Variants in PFN2 observed in about 807,000 individuals in gnomAD.
PFN2 encodes the protein profilin-2.
PFN2 carries 8 observed loss-of-function variants against 15.3 expected under a neutral mutation model. The ratio of observed to expected loss-of-function variants is 0.52; its 90% CI spans 0.31 to 0.95. The LOEUF (loss-of-function observed/expected upper bound fraction) is 0.95, where lower values mean the gene tolerates loss of function less well. Ranked by LOEUF, PFN2 falls within the 40% of genes least tolerant of loss-of-function variation. The pLI is 0.05. For synonymous variants in PFN2, 79 were observed against 67.9 expected, an observed-to-expected ratio of 1.16 and a Z score of -0.81; for missense variants, 111 against 182.3, an observed-to-expected ratio of 0.61 and a Z score of 2.25.
In PFN2 at chr3:149,965,808, C is replaced by T; in HGVS notation, c.*681G>A. ...GAAGACTAAATGAGCCAAGTAAATGCTCAAAGTGCTGAAAAGACACTGATC... is the reference window on the plus strand; with the variant it reads ...GAAGACTAAATGAGCCAAGTAAATGTTCAAAGTGCTGAAAAGACACTGATC... On this transcript the variant is annotated 3_prime_UTR_variant, in exon 3 of 3. Transcript: ENST00000239940. 7 of 1,072,910 alleles carry T rather than the reference C, an allele frequency of 6.5e-6. No homozygotes were observed. The highest frequency in any genetic ancestry group is 7.9e-6 in the Non-Finnish European group (7 of 885,628). 66.5% of individuals were successfully genotyped at this position (1,072,910 alleles called of 1,614,324 possible).
In PFN2 at chr3:149,965,869, CTTATT is replaced by C. The variant is rs1722676103; in HGVS notation, c.*615_*619del. 5 of 1,199,072 alleles carry C rather than the reference CTTATT, an allele frequency of 4.2e-6. No individual in the cohort carries two copies. The South Asian group carries it at 1.3e-4, about 30-fold the overall frequency. 74.3% of individuals were successfully genotyped at this position (1,199,072 alleles called of 1,614,324 possible). ...CAACCGGCACCTTGCTTAATATTAA[CTTATT>C]TTAGTAATCAATATCCCATTAATTG... On this transcript the variant is annotated 3_prime_UTR_variant, in exon 3 of 3. Coordinates refer to ENST00000239940, the MANE Select transcript of PFN2 (RefSeq NM_053024.4).
intron 1 of PFN2, among the ~76,000 whole-genome samples, chr3:149,970,071 T>TA (rs1401908999): frequency 6.7e-5 from 10 of 148,856 alleles, no homozygotes; most frequent in Admixed American, 6.0e-4. Flanking sequence ...AAAAACAACC[T>TA]ATAGAGCTAG....
At chr3:149,970,425 G>C (rs1269598612) in intron 1 of PFN2, 2 of 246,362 alleles carry the variant, frequency 8.1e-6, no homozygotes, top group Admixed American at 5.6e-5. Context: ...TGCCCTGGCC[G>C]GTGCGTGCCC....
intron 1 of PFN2, chr3:149,968,779 G>C (rs1243350177): frequency 8.1e-6 from 4 of 494,932 alleles, no homozygotes; most frequent in Non-Finnish European, 1.4e-5. Flanking sequence ...TAATGATGTC[G>C]TCTCTTAACC....
chr3:149,970,539 C>T (rs1368364417), intron 1 of PFN2, 186 bp downstream of exon 1: 3 of 456,668 alleles, frequency 6.6e-6, no homozygotes, highest in Non-Finnish European at 6.8e-6. Flanking sequence ...CAGCGCAGCC[C>T]CGGGTGAGGG....
chr3:149,965,634 ATTT>A lies in PFN2; in HGVS notation c.*852_*854del, dbSNP rs199771239. 3,104 of 996,870 alleles carry A rather than the reference ATTT, an allele frequency of 3.1e-3. 71 individuals carry two copies. In the African/African-American group the frequency reaches 0.056, roughly 18 times the overall value. The allele number at this position is 996,870 out of a possible 1,614,324, so 61.8% of individuals were successfully genotyped here. Reference sequence around the variant, plus strand: ...TCTCAATAGCTCATCAACAAAAGGGATTTTAATTGGTTAAAAAAAAACAGGCAC... The same window carrying A: ...TCTCAATAGCTCATCAACAAAAGGGATAATTGGTTAAAAAAAAACAGGCAC... On this transcript the variant is annotated 3_prime_UTR_variant, in exon 3 of 3. Coordinates refer to ENST00000239940, the MANE Select transcript of PFN2 (RefSeq NM_053024.4).
At chr3:149,970,581 C>T in intron 1 of PFN2, 144 bp downstream of exon 1, 1 of 803,902 alleles carries the variant, frequency 1.2e-6, no homozygotes, top group South Asian at 5.1e-5. Flanking sequence ...CCCCGCCCGC[C>T]CGGCAGCCGC....
chr3:149,967,511 G>T (rs1722728132), intron 2 of PFN2, among the ~76,000 whole-genome samples: 1 of 152,198 alleles, frequency 6.6e-6, no homozygotes, highest in African/African-American at 2.4e-5. Context: ...ACTCACAGCA[G>T]CTTCAACTCC....
Position 149,965,206 on chromosome 3 carries a change from C to T in PFN2, c.*1283G>A. 6.6e-7 allele frequency: 1 copy of T among 1,524,858 alleles called. No individual in the cohort carries two copies. The highest frequency in any genetic ancestry group is 8.8e-7 in the Non-Finnish European group (1 of 1,140,654). The allele number at this position is 1,524,858 out of a possible 1,614,324, so 94.5% of individuals were successfully genotyped here. On this transcript the variant is annotated 3_prime_UTR_variant, in exon 3 of 3. Coordinates refer to ENST00000239940, the MANE Select transcript of PFN2 (RefSeq NM_053024.4). ...ACAGTTCATTTTAACAATAGTATGG[C>T]ACAGAATACATATGAAAAAAATTCA... is the stretch of plus-strand genomic sequence containing the variant.
chr3:149,969,771 G>A (rs1722795276), intron 1 of PFN2, among the ~76,000 whole-genome samples: 1 of 152,118 alleles, frequency 6.6e-6, no homozygotes, highest in South Asian at 2.1e-4. Flanking sequence ...AGGTTTTGTG[G>A]CAAATATTCT....
Position 149,966,376 on chromosome 3 carries a change from T to A in PFN2, c.*113A>T. On this transcript the variant is annotated 3_prime_UTR_variant, in exon 3 of 3. Transcript: ENST00000239940. Reference sequence around the variant, plus strand: ...AGAGGGATACAAAGGAGACACAGGTTCATACCCCATCACCCTGCATTGCTA... The same window carrying A: ...AGAGGGATACAAAGGAGACACAGGTACATACCCCATCACCCTGCATTGCTA... 1 of 1,587,912 alleles carries A rather than the reference T, an allele frequency of 6.3e-7. No homozygotes were observed. Among genetic ancestry groups the A allele is most frequent in the Non-Finnish European group, 8.6e-7 (1 of 1,169,108 alleles).
chr3:149,966,733 AAAG>A, intron 2 of PFN2, 147 bp from the exon 3 acceptor site: 1 of 665,916 alleles, frequency 1.5e-6, no homozygotes, highest in Non-Finnish European at 2.6e-6. Flanking sequence ...AGGTTTCCAA[AAAG>A]AACTTTCAAA....
chr3:149,965,610 C>T lies in PFN2; in HGVS notation c.*879G>A, dbSNP rs1215012113. On this transcript the variant is annotated 3_prime_UTR_variant, in exon 3 of 3. Transcript: ENST00000239940. ...ATACTAAAAGCAAACTACTGCAGCTCTCAATAGCTCATCAACAAAAGGGAT... is the reference window on the plus strand; with the variant it reads ...ATACTAAAAGCAAACTACTGCAGCTTTCAATAGCTCATCAACAAAAGGGAT... 6 of 1,102,322 alleles carry T rather than the reference C, an allele frequency of 5.4e-6. No homozygotes were observed. In the African/African-American group the frequency reaches 1.0e-4, roughly 19 times the overall value. 68.3% of individuals were successfully genotyped at this position (1,102,322 alleles called of 1,614,324 possible).
rs1246830937 is a variant in PFN2 at position 149,965,682 on chromosome 3, G to A, written c.*807C>T. The A allele has an allele frequency of 2.4e-5, 11 of 450,060 alleles. No individual in the cohort carries two copies. Among genetic ancestry groups the A allele is most frequent in the African/African-American group, 3.0e-5 (1 of 32,908 alleles). 27.9% of individuals were successfully genotyped at this position (450,060 alleles called of 1,614,324 possible). A position where few individuals can be genotyped will look rare whatever the true frequency, so the allele number is the denominator to read the frequency against. On this transcript the variant is annotated 3_prime_UTR_variant, in exon 3 of 3. Transcript: ENST00000239940. ...AGGCACTGCATAAAAAAAGATGGAA[G>A]CAAACCAAATGCCTATGTGCGAAGG...
intron 1 of PFN2, among the ~76,000 whole-genome samples, chr3:149,969,689 G>C (rs1330930561): frequency 2.0e-5 from 3 of 152,162 alleles, no homozygotes; most frequent in African/African-American, 7.2e-5. Flanking sequence ...AAAGAGAATG[G>C]TCTCGTATTT....
intron 2 of PFN2, 50 bp downstream of exon 2, chr3:149,968,308 A>G (rs1474036184): frequency 6.7e-7 from 1 of 1,496,008 alleles, no homozygotes. Context: ...AAACTGCTTA[A>G]TAAGTTGTAA....
Position 149,966,058 on chromosome 3 carries a change from T to C in PFN2, c.*431A>G. The C allele has an allele frequency of 6.6e-7, 1 of 1,519,904 alleles. No homozygotes were observed. The highest frequency in any genetic ancestry group is 8.8e-7 in the Non-Finnish European group (1 of 1,137,336). 94.2% of individuals were successfully genotyped at this position (1,519,904 alleles called of 1,614,324 possible). A position where few individuals can be genotyped will look rare whatever the true frequency, so the allele number is the denominator to read the frequency against. On this transcript the variant is annotated 3_prime_UTR_variant, in exon 3 of 3. Coordinates refer to ENST00000239940, the MANE Select transcript of PFN2 (RefSeq NM_053024.4). Reference sequence around the variant, plus strand: ...CATTGGGCAAACAGGAATCATGACATTAGAAAATAGGTAAAGAAAAATTAG... The same window carrying C: ...CATTGGGCAAACAGGAATCATGACACTAGAAAATAGGTAAAGAAAAATTAG...
chr3:149,965,766 A>G lies in PFN2; in HGVS notation c.*723T>C, dbSNP rs1576617836. ...ATGATGCATGCACTTTTTCCTCCCAACCATGCGCTACAAAAGGAAGACTAA... is the reference window on the plus strand; with the variant it reads ...ATGATGCATGCACTTTTTCCTCCCAGCCATGCGCTACAAAAGGAAGACTAA... On this transcript the variant is annotated 3_prime_UTR_variant, in exon 3 of 3. Coordinates refer to ENST00000239940, the MANE Select transcript of PFN2 (RefSeq NM_053024.4). The G allele has an allele frequency of 9.5e-7, 1 of 1,051,494 alleles. No homozygotes were observed. Among genetic ancestry groups the G allele is most frequent in the East Asian group, 7.9e-5 (1 of 12,582 alleles). 65.1% of individuals were successfully genotyped at this position (1,051,494 alleles called of 1,614,324 possible).
Position 149,965,425 on chromosome 3 carries a change from T to A in PFN2, c.*1064A>T, listed in dbSNP as rs752303994. 1.2e-5 allele frequency: 17 copies of A among 1,445,158 alleles called. No individual in the cohort carries two copies. The highest frequency in any genetic ancestry group is 1.4e-5 in the Non-Finnish European group (16 of 1,107,188). The allele number at this position is 1,445,158 out of a possible 1,614,324, so 89.5% of individuals were successfully genotyped here. A position where few individuals can be genotyped will look rare whatever the true frequency, so the allele number is the denominator to read the frequency against. ...GTGCAAAGAAAAAGGAAGAAAAATC[T>A]GAGCTATTGCAATGATGGAATGTCC... On this transcript the variant is annotated 3_prime_UTR_variant, in exon 3 of 3. Coordinates refer to ENST00000239940, the MANE Select transcript of PFN2 (RefSeq NM_053024.4).
Sources: allele counts gnomAD v4.1 joint callset (sites outside exome capture counted in the v4.1 genomes callset), GRCh38; gene constraint gnomAD v4.1.1; transcripts MANE v1.5; gene names NCBI Gene and HGNC (gene_info 2026-07-23, HGNC 2026-07-21).